Variants in BAZ2B observed in about 807,000 individuals in gnomAD.
BAZ2B encodes the protein bromodomain adjacent to zinc finger domain 2B, also known as bromodomain adjacent to zinc finger domain protein 2B.
In BAZ2B, 91 loss-of-function variants were observed where a neutral mutation model predicts 246.0. That is an observed-to-expected ratio of 0.37 (90% CI 0.31 to 0.44). The LOEUF (loss-of-function observed/expected upper bound fraction) is 0.44. Ranked by LOEUF, BAZ2B falls within the 20% of genes least tolerant of loss-of-function variation. The probability of loss-of-function intolerance (pLI) is 1.00; values close to 1 mark genes in which losing one functional copy is unlikely to be tolerated. For missense variants in BAZ2B, 2,332 were observed against 2,533.7 expected, an observed-to-expected ratio of 0.92 and a Z score of 1.71; for synonymous variants, 855 against 860.0, an observed-to-expected ratio of 0.99 and a Z score of 0.10.
intron 2 of BAZ2B, among the ~76,000 whole-genome samples, chr2:159,499,761 T>C (rs937750535): frequency 1.2e-4 from 18 of 152,258 alleles, no homozygotes; most frequent in Admixed American, 1.0e-3. Flanking sequence ...TCAGCATTTC[T>C]CTAATGATCA....
chr2:159,437,928 A>T (rs28664019), intron 8 of BAZ2B: 46 of 162,888 alleles, frequency 2.8e-4, no homozygotes, highest in South Asian at 1.7e-3. Context: ...AAAAAAAAAA[A>T]TAAAAAAAAA....
At chr2:159,592,430 G>A (rs1463715039) in intron 1 of BAZ2B, among the ~76,000 whole-genome samples, 1 of 152,232 alleles carries the variant, frequency 6.6e-6, no homozygotes, top group South Asian at 2.1e-4. Flanking sequence ...TTACAGGCGT[G>A]AGCCACTGCA....
chr2:159,408,074 CTAATA>C (rs1412654774), intron 14 of BAZ2B, among the ~76,000 whole-genome samples: 2 of 152,134 alleles, frequency 1.3e-5, no homozygotes, highest in East Asian at 1.9e-4. Flanking sequence ...CTGATATTCT[CTAATA>C]TAAGTTTAAC....
At chr2:159,599,159 A>G (rs1691476236) in intron 1 of BAZ2B, among the ~76,000 whole-genome samples, 1 of 152,168 alleles carries the variant, frequency 6.6e-6, no homozygotes, top group Non-Finnish European at 1.5e-5. Context: ...CTAGAGTGTC[A>G]TATTTGAGAA....
rs984784485 is a variant in BAZ2B at position 159,466,757 on chromosome 2, G to A, written c.145+11818C>T. Among the ~76,000 whole-genome samples, 11 of 152,198 alleles carry A rather than the reference G, an allele frequency of 7.2e-5. No homozygotes were observed. The East Asian group carries it at 1.5e-3, about 21-fold the overall frequency. On this transcript the variant is annotated intron_variant, in intron 3 of 36. Transcript: ENST00000392783. Reference sequence around the variant, plus strand: ...GCTGATGGTGTTAAGTCCCAGCCACGGAAGAAGACTGATGTCCTAGATCAA... The same window carrying A: ...GCTGATGGTGTTAAGTCCCAGCCACAGAAGAAGACTGATGTCCTAGATCAA...
At chr2:159,422,436 C>G (rs1414381602) in intron 13 of BAZ2B, among the ~76,000 whole-genome samples, 1 of 152,142 alleles carries the variant, frequency 6.6e-6, no homozygotes, top group African/African-American at 2.4e-5. Context: ...AGAAATAAGA[C>G]TGCACATCCA....
rs551709678 is a variant in BAZ2B, at chr2:159,343,404, C to T, written c.5454+4082G>A. ...AAGCAAAAATAAACAAATGCAACTA[C>T]ATCAAATGAAAAAACTTCTGTACAG... is the stretch of plus-strand genomic sequence containing the variant. On this transcript the variant is annotated intron_variant, in intron 31 of 36. Transcript: ENST00000392783. Among the ~76,000 whole-genome samples the T allele has an allele frequency of 1.4e-4, 22 of 152,182 alleles. No individual in the cohort carries two copies. In the East Asian group the frequency reaches 4.2e-3, roughly 29 times the overall value.
At chr2:159,689,795 T>C in the BAZ2B span, 3,826 of 509,218 alleles carry the variant, frequency 7.5e-3, 137 homozygotes, top group African/African-American at 0.07. Context: ...GTCATTTGTC[T>C]GCACCTCTTG....
chr2:159,351,784 T>C (rs914382031), intron 27 of BAZ2B, among the ~76,000 whole-genome samples: 2 of 152,216 alleles, frequency 1.3e-5, no homozygotes, highest in African/African-American at 4.8e-5. Flanking sequence ...AAATAATTTA[T>C]AAGAACTATT....
In BAZ2B at chr2:159,412,623, G is replaced by A. The variant is rs1286173770; in HGVS notation, c.2467-78C>T. On this transcript the variant is annotated intron_variant, in intron 13 of 36. Transcript: ENST00000392783. ...GAGATCAACATGTAAGAAAATTCTA[G>A]CTAAAAATCACATATATTTTGGAAT... 5.8e-6 allele frequency: 8 copies of A among 1,368,712 alleles called. 1 individual carries two copies. The highest frequency in any genetic ancestry group is 8.0e-6 in the Non-Finnish European group (8 of 1,005,730). The allele number at this position is 1,368,712 out of a possible 1,614,324, so 84.8% of individuals were successfully genotyped here. A position where few individuals can be genotyped will look rare whatever the true frequency, so the allele number is the denominator to read the frequency against.
chr2:159,520,613 T>C (rs1006288159), intron 2 of BAZ2B, among the ~76,000 whole-genome samples: 8 of 152,178 alleles, frequency 5.3e-5, no homozygotes, highest in African/African-American at 1.7e-4. Context: ...ACAGCTCATG[T>C]TTGTTCAACA....
In BAZ2B at chr2:159,477,318, AATTAAAAAATATATATATATGTGTATAT is replaced by A. The variant is rs1199971475; in HGVS notation, c.145+1229_145+1256del. Among the ~76,000 whole-genome samples, 11 of 151,954 alleles carry A rather than the reference AATTAAAAAATATATATATATGTGTATAT, an allele frequency of 7.2e-5. No individual in the cohort carries two copies. In the South Asian group the frequency reaches 1.9e-3, roughly 26 times the overall value. The stretch of plus-strand genomic sequence containing the variant: ...AGACTCTGTCTCAAAAAAATAAAAA[AATTAAAAAATATATATATATGTGTATAT>A]ATACATACATATATACACACATACA... On this transcript the variant is annotated intron_variant, in intron 3 of 36. Coordinates refer to ENST00000392783, the MANE Select transcript of BAZ2B (RefSeq NM_013450.4).
intron 34 of BAZ2B, among the ~76,000 whole-genome samples, chr2:159,328,383 T>A (rs1027091790): frequency 6.6e-6 from 1 of 152,178 alleles, no homozygotes; most frequent in African/African-American, 2.4e-5. Context: ...GTTTATATAT[T>A]GATAGAAGTC....
At chr2:159,491,950 A>G (rs1460367586) in intron 2 of BAZ2B, among the ~76,000 whole-genome samples, 1 of 152,132 alleles carries the variant, frequency 6.6e-6, no homozygotes, top group Non-Finnish European at 1.5e-5. Flanking sequence ...CTGAACTGTC[A>G]TCTAATTCAT....
chr2:159,400,886 TA>T (rs1001738301), intron 16 of BAZ2B, among the ~76,000 whole-genome samples: 14 of 152,090 alleles, frequency 9.2e-5, no homozygotes, highest in African/African-American at 3.4e-4. Flanking sequence ...TAAAAATATT[TA>T]AAAAAAATTA....
intron 25 of BAZ2B, among the ~76,000 whole-genome samples, chr2:159,379,666 TTTGA>T (rs2061778120): frequency 6.6e-6 from 1 of 152,194 alleles, no homozygotes; most frequent in African/African-American, 2.4e-5. Flanking sequence ...GATTCATAAA[TTTGA>T]TTATCATTGG....
chr2:159,461,813 CA>C (rs1312957632), intron 3 of BAZ2B: 1 of 152,652 alleles, frequency 6.6e-6, no homozygotes, highest in Non-Finnish European at 1.5e-5. Context: ...ACAAGTTCCC[CA>C]GAGAAGCTGA....
intron 1 of BAZ2B, among the ~76,000 whole-genome samples, chr2:159,591,299 A>T (rs1689343733): frequency 6.6e-6 from 1 of 152,214 alleles, no homozygotes; most frequent in South Asian, 2.1e-4. Flanking sequence ...TTTCTGATCA[A>T]CAGGCTTCCA....
At chr2:159,510,409 G>A (rs1326782816) in intron 2 of BAZ2B, among the ~76,000 whole-genome samples, 1 of 151,996 alleles carries the variant, frequency 6.6e-6, no homozygotes, top group Non-Finnish European at 1.5e-5. Context: ...AGTGATCCTT[G>A]AGACCCCGTC....
Sources: allele counts gnomAD v4.1 joint callset (sites outside exome capture counted in the v4.1 genomes callset), GRCh38; gene constraint gnomAD v4.1.1; transcripts MANE v1.5; gene names NCBI Gene and HGNC (gene_info 2026-07-23, HGNC 2026-07-21).